LRRC63: variants seen among roughly 807,000 people sequenced by gnomAD.
LRRC63 encodes the protein leucine rich repeat containing 63.
In LRRC63, 40 loss-of-function variants were observed where a neutral mutation model predicts 49.5. The ratio of observed to expected loss-of-function variants is 0.81; its 90% CI spans 0.63 to 1.05. The LOEUF is 1.05. LRRC63 is among the 50% of genes least tolerant of loss of function. LRRC63 has a pLI of 0.00. For missense variants in LRRC63, 636 were observed against 663.1 expected (o/e 0.96, Z 0.45); for synonymous variants, 191 against 221.1 (o/e 0.86, Z 1.21).
At chr13:46,229,243 T>A (rs1433413987) in intron 4 of LRRC63, among the ~76,000 whole-genome samples, 1 of 152,202 alleles carries the variant, frequency 6.6e-6, no homozygotes, top group African/African-American at 2.4e-5. Context: ...TTGGGCACAT[T>A]TTTTAATAAC....
intron 2 of LRRC63, 43 bp from the exon 3 acceptor site, chr13:46,227,468 AT>A (rs2138402403): frequency 8.1e-7 from 1 of 1,238,608 alleles, no homozygotes; most frequent in African/African-American, 1.5e-5. Context: ...TCTGTGACAT[AT>A]TGATAAATAT....
intron 2 of LRRC63, among the ~76,000 whole-genome samples, chr13:46,225,908 A>G (rs568663686): frequency 3.0e-4 from 45 of 152,266 alleles, no homozygotes; most frequent in African/African-American, 1.1e-3. Context: ...TAATTCTTAC[A>G]CAAGCCAAGG....
At chr13:46,222,276 A>G (rs2046428600) in intron 2 of LRRC63, among the ~76,000 whole-genome samples, 1 of 151,782 alleles carries the variant, frequency 6.6e-6, no homozygotes, top group Non-Finnish European at 1.5e-5. Context: ...ACCTTGTGGT[A>G]TGGATAGTTT....
intron 1 of LRRC63, among the ~76,000 whole-genome samples, chr13:46,212,781 C>A (rs2046131031): frequency 6.6e-6 from 1 of 152,042 alleles, no homozygotes; most frequent in Non-Finnish European, 1.5e-5. Context: ...TTTTAAAATT[C>A]TATGTTTACT....
At chr13:46,271,835 C>T (rs1273460450) in intron 9 of LRRC63, among the ~76,000 whole-genome samples, 1 of 151,598 alleles carries the variant, frequency 6.6e-6, no homozygotes, top group Non-Finnish European at 1.5e-5. Context: ...GGCTGTAACA[C>T]ATAAATACAT....
intron 2 of LRRC63, among the ~76,000 whole-genome samples, chr13:46,224,952 C>G (rs1054952157): frequency 1.3e-5 from 2 of 152,210 alleles, no homozygotes; most frequent in Non-Finnish European, 2.9e-5. Context: ...CTGACTCTAC[C>G]TATCTTTGTG....
Position 46,228,746 on chromosome 13 carries a change from T to C in LRRC63, c.832+13T>C, listed in dbSNP as rs1448806499. On this transcript the variant is annotated intron_variant, in intron 4 of 9. Coordinates refer to ENST00000595396, the Ensembl canonical transcript of LRRC63. The stretch of plus-strand genomic sequence containing the variant: ...AGACCACCTGAAGGTAAATGCTAGA[T>C]TTATACAATTCTTTTAGAAAATGTA... 6.1e-6 allele frequency: 9 copies of C among 1,486,430 alleles called. No homozygotes were observed. Among genetic ancestry groups the C allele is most frequent in the Non-Finnish European group, 8.2e-6 (9 of 1,092,266 alleles). The allele number at this position is 1,486,430 out of a possible 1,614,324, so 92.1% of individuals were successfully genotyped here.
At chr13:46,249,348 T>A (rs1265877286) in intron 6 of LRRC63, among the ~76,000 whole-genome samples, 2 of 151,676 alleles carry the variant, frequency 1.3e-5, no homozygotes, top group South Asian at 4.1e-4. Context: ...AGTTATTACT[T>A]TTAAAAAATC....
At chr13:46,227,536 T>C (rs1225226072) in exon 3 of LRRC63, 3 of 1,534,920 alleles carry the variant, frequency 2.0e-6, no homozygotes, top group Admixed American at 2.1e-5. Context: ...ATTGAGTCAC[T>C]ACATGTAGCA....
chr13:46,221,474 C>T (rs1461751658), intron 2 of LRRC63, among the ~76,000 whole-genome samples: 3 of 152,208 alleles, frequency 2.0e-5, no homozygotes, highest in African/African-American at 7.2e-5. Context: ...AATACCGATT[C>T]TGATAATTCA....
At chr13:46,260,984 C>A (rs968920016) in intron 7 of LRRC63, among the ~76,000 whole-genome samples, 2 of 152,148 alleles carry the variant, frequency 1.3e-5, no homozygotes, top group Admixed American at 6.5e-5. Flanking sequence ...TTGAGAACAG[C>A]ACATACAGAG....
chr13:46,230,068 C>A (rs2046700582), intron 4 of LRRC63, among the ~76,000 whole-genome samples: 1 of 152,110 alleles, frequency 6.6e-6, no homozygotes, highest in African/African-American at 2.4e-5. Context: ...CTCCCATGAA[C>A]CAGACACCTC....
intron 9 of LRRC63, among the ~76,000 whole-genome samples, chr13:46,274,295 C>T (rs2478041): frequency 0.74 from 112,828 of 152,092 alleles, 43,002 homozygotes; most frequent in East Asian, 0.96. Context: ...ATGACTGTGA[C>T]ATTAGTAAAA....
In LRRC63 at chr13:46,227,379, A is replaced by G. The variant is rs551970467; in HGVS notation, c.86-133A>G. Reference sequence around the variant, plus strand: ...ATGTCAACACACATCCTGGTAGCTGAGCAAGTGTATACAGAAACATTTTTA... The same window carrying G: ...ATGTCAACACACATCCTGGTAGCTGGGCAAGTGTATACAGAAACATTTTTA... On this transcript the variant is annotated intron_variant, in intron 2 of 9. Coordinates refer to ENST00000595396, the Ensembl canonical transcript of LRRC63. 20 of 598,154 alleles carry G rather than the reference A, an allele frequency of 3.3e-5. No homozygotes were observed. In the South Asian group the frequency reaches 5.6e-4, roughly 17 times the overall value. 37.1% of individuals were successfully genotyped at this position (598,154 alleles called of 1,614,324 possible). A position where few individuals can be genotyped will look rare whatever the true frequency, so the allele number is the denominator to read the frequency against.
At chr13:46,249,738 G>A (rs1210991326) in intron 6 of LRRC63, among the ~76,000 whole-genome samples, 1 of 151,772 alleles carries the variant, frequency 6.6e-6, no homozygotes, top group African/African-American at 2.4e-5. Context: ...TGATAACAAG[G>A]TTGAATTTAA....
At chr13:46,265,305 C>T (rs1279870367) in intron 8 of LRRC63, among the ~76,000 whole-genome samples, 1 of 152,202 alleles carries the variant, frequency 6.6e-6, no homozygotes, top group Non-Finnish European at 1.5e-5. Context: ...GGTGAACCTT[C>T]ACTAGCATTT....
chr13:46,263,906 A>G (rs2047648011), intron 8 of LRRC63, among the ~76,000 whole-genome samples: 1 of 151,860 alleles, frequency 6.6e-6, no homozygotes, highest in Non-Finnish European at 1.5e-5. Flanking sequence ...GTCTCTTTTG[A>G]TTCATTGGCT....
At chr13:46,267,172 A>G (rs147746279) in intron 9 of LRRC63, among the ~76,000 whole-genome samples, 200 bp downstream of exon 9, 1 of 152,326 alleles carries the variant, frequency 6.6e-6, no homozygotes, top group Non-Finnish European at 1.5e-5. Flanking sequence ...CCCTTGTGTG[A>G]TATTCTCAAG....
At chr13:46,258,124 C>CTTTTTTTTT (rs61630248) in intron 7 of LRRC63, among the ~76,000 whole-genome samples, 1 of 100,582 alleles carries the variant, frequency 9.9e-6, no homozygotes, top group African/African-American at 4.5e-5. Context: ...GTGACCTACT[C>CTTTTTTTTT]TTTTTTTTTT....
Sources: allele counts gnomAD v4.1 joint callset (sites outside exome capture counted in the v4.1 genomes callset), GRCh38; gene constraint gnomAD v4.1.1; transcripts MANE v1.5; gene names NCBI Gene and HGNC (gene_info 2026-07-23, HGNC 2026-07-21).